EEPD1: variants seen among roughly 807,000 people sequenced by gnomAD.
EEPD1 encodes the protein endonuclease/exonuclease/phosphatase family domain containing 1, also known as endonuclease/exonuclease/phosphatase family domain-containing protein 1.
In EEPD1, 17 loss-of-function variants were observed where a neutral mutation model predicts 46.3. The ratio of observed to expected loss-of-function variants is 0.37; its 90% confidence interval spans 0.25 to 0.55. The LOEUF (loss-of-function observed/expected upper bound fraction) is 0.55. Ranked by LOEUF, EEPD1 falls within the 20% of genes least tolerant of loss-of-function variation. The pLI is 0.83. For missense variants in EEPD1, 673 were observed against 745.6 expected, an observed-to-expected ratio of 0.90 and a Z score of 1.13; for synonymous variants, 313 against 315.6, an observed-to-expected ratio of 0.99 and a Z score of 0.09.
At position 36,297,070 on chromosome 7, in the gene EEPD1, A is replaced by G; in HGVS notation, c.1393A>G (p.Lys465Glu). ...SNDYDILRKE[K>E]FHHLIPAHTF... is the part of the protein sequence containing the mutation. Reference sequence around the variant, plus strand: ...TGACTATGATATCCTGAGGAAAGAAAAGTTCCACCACCTGATCCCCGCGCA... The same window carrying G: ...TGACTATGATATCCTGAGGAAAGAAGAGTTCCACCACCTGATCCCCGCGCA... The change falls in exon 7 of 8, where the codon AAG becomes GAG. Residue 465 changes from lysine (K) to glutamate (E), a missense_variant. Lys to Glu is a moderately conservative substitution (Grantham distance 56). Coordinates refer to ENST00000242108, the MANE Select transcript of EEPD1 (RefSeq NM_030636.3). The G allele has an allele frequency of 6.2e-7, 1 of 1,614,228 alleles. No homozygotes were observed. The highest frequency in any genetic ancestry group is 8.5e-7 in the Non-Finnish European group (1 of 1,180,042).
chr7:36,244,726 C>T (rs531524696), intron 3 of EEPD1, among the ~76,000 whole-genome samples: 25 of 151,570 alleles, frequency 1.6e-4, no homozygotes, highest in African/African-American at 5.8e-4. Context: ...TCTGTGATTC[C>T]TTCCCACTCT....
At chr7:36,196,768 C>T (rs1676126044) in intron 2 of EEPD1, among the ~76,000 whole-genome samples, 1 of 152,196 alleles carries the variant, frequency 6.6e-6, no homozygotes, top group South Asian at 2.1e-4. Context: ...GCTACGGCCT[C>T]CACCTCCCAG....
chr7:36,238,595 T>C (rs1165460834), intron 2 of EEPD1, among the ~76,000 whole-genome samples: 3 of 152,230 alleles, frequency 2.0e-5, no homozygotes, highest in South Asian at 4.1e-4. Context: ...CTGAGTAATA[T>C]AGTCCATTAA....
chr7:36,240,007 G>A (rs537356547), intron 3 of EEPD1, among the ~76,000 whole-genome samples: 2 of 152,338 alleles, frequency 1.3e-5, no homozygotes, highest in East Asian at 3.9e-4. Context: ...TAGGTGAGGT[G>A]GCTCTGCCTG....
chr7:36,166,896 T>G (rs1257544942), intron 2 of EEPD1, among the ~76,000 whole-genome samples: 9 of 152,058 alleles, frequency 5.9e-5, no homozygotes, highest in Non-Finnish European at 1.0e-4. Flanking sequence ...TGTGTTTGGT[T>G]TTTAGGGCTG....
chr7:36,241,846 C>T (rs1022872867), intron 3 of EEPD1, among the ~76,000 whole-genome samples: 5 of 152,056 alleles, frequency 3.3e-5, no homozygotes, highest in South Asian at 2.1e-4. Context: ...CCAGTCTGGG[C>T]GAGAGAGTAG....
At chr7:36,236,368 G>T (rs1786440736) in intron 2 of EEPD1, among the ~76,000 whole-genome samples, 1 of 152,248 alleles carries the variant, frequency 6.6e-6, no homozygotes, top group Admixed American at 6.5e-5. Flanking sequence ...CCCGCACTAG[G>T]CGCCGCCGGC....
chr7:36,250,889 C>A (rs1786728188), intron 3 of EEPD1, among the ~76,000 whole-genome samples: 1 of 152,112 alleles, frequency 6.6e-6, no homozygotes, highest in Non-Finnish European at 1.5e-5. Flanking sequence ...CATTTCTTTA[C>A]CCCCAAAATG....
chr7:36,298,584 G>C (rs112963830), intron 7 of EEPD1, among the ~76,000 whole-genome samples: 2,057 of 152,056 alleles, frequency 0.014, 17 homozygotes, highest in Non-Finnish European at 0.023. Flanking sequence ...TACCCTTTGT[G>C]TAGAAAGAAT....
rs1360589383 is a variant in EEPD1 at position 36,301,488 on chromosome 7, T to G, written c.*2282T>G. On this transcript the variant is annotated 3_prime_UTR_variant, in exon 8 of 8. Transcript: ENST00000242108. The stretch of plus-strand genomic sequence containing the variant: ...ACAACTGATGAACTTGTATTCATTA[T>G]TAGCTACAGTGTTCATAGTTTATAT... 2.0e-5 allele frequency: 3 copies of G among 152,276 alleles called. No individual in the cohort carries two copies. Among genetic ancestry groups the G allele is most frequent in the Admixed American group, 2.0e-4 (3 of 15,286 alleles). The allele number at this position is 152,276 out of a possible 1,614,324, so 9.4% of individuals were successfully genotyped here.
chr7:36,198,909 T>G (rs986091810), intron 2 of EEPD1, among the ~76,000 whole-genome samples: 1 of 151,814 alleles, frequency 6.6e-6, no homozygotes, highest in African/African-American at 2.4e-5. Flanking sequence ...GTGCAGCTGG[T>G]GGGAGGAGGT....
rs185163335 is a variant in EEPD1, at chr7:36,189,646, G to A, written c.878+34444G>A. Among the ~76,000 whole-genome samples, 4 of 152,218 alleles carry A rather than the reference G, an allele frequency of 2.6e-5. 1 individual carries two copies. Among genetic ancestry groups the A allele is most frequent in the Admixed American group, 2.6e-4 (4 of 15,296 alleles). On this transcript the variant is annotated intron_variant, in intron 2 of 7. Transcript: ENST00000242108. ...GCTATGGGGATAGAAGAAAGTACAT[G>A]GCCCTGTCCCTGCCCAGAGATGCCT... is the stretch of plus-strand genomic sequence containing the variant.
chr7:36,200,057 G>T (rs1785688535), intron 2 of EEPD1, among the ~76,000 whole-genome samples: 1 of 151,846 alleles, frequency 6.6e-6, no homozygotes. Flanking sequence ...TTGTTGTACA[G>T]ATTATTTCGT....
At chr7:36,197,134 G>A (rs1314328661) in intron 2 of EEPD1, among the ~76,000 whole-genome samples, 1 of 148,748 alleles carries the variant, frequency 6.7e-6, no homozygotes, top group Non-Finnish European at 1.5e-5. Flanking sequence ...CCCTCCGCCT[G>A]GCAACCGCCC....
chr7:36,161,897 C>CAAAAAA, intron 2 of EEPD1, among the ~76,000 whole-genome samples: 1 of 127,132 alleles, frequency 7.9e-6, no homozygotes, highest in South Asian at 2.8e-4. Context: ...CTGTCTCTCT[C>CAAAAAA]AAAAAAAAAA....
rs755811338 is a variant in EEPD1, at chr7:36,297,196, G to C, written c.1510+9G>C. ...AAAGAAGGTTTTCACAGGTGAGGCAGAACTCACTTGTCCTTTCTCCTGTTC... is the reference window on the plus strand; with the variant it reads ...AAAGAAGGTTTTCACAGGTGAGGCACAACTCACTTGTCCTTTCTCCTGTTC... On this transcript the variant is annotated intron_variant, in intron 7 of 7. Transcript: ENST00000242108. The C allele has an allele frequency of 1.2e-6, 2 of 1,613,222 alleles. No individual in the cohort carries two copies. Among genetic ancestry groups the C allele is most frequent in the African/African-American group, 2.7e-5 (2 of 74,902 alleles).
rs181016885 is a variant in EEPD1 at position 36,157,441 on chromosome 7, C to T, written c.878+2239C>T. ...GCAGCCCACTGAGCAGGAGACCTCA[C>T]GACTCTTGTCCAGTGTGAAGGTTGT... On this transcript the variant is annotated intron_variant, in intron 2 of 7. Coordinates refer to ENST00000242108, the MANE Select transcript of EEPD1 (RefSeq NM_030636.3). Among the ~76,000 whole-genome samples the T allele has an allele frequency of 1.7e-3, 259 of 152,320 alleles. 1 individual carries two copies. The Middle Eastern group carries it at 0.017, about 10-fold the overall frequency.
At chr7:36,270,277 GTATT>G (rs1203650691) in intron 3 of EEPD1, among the ~76,000 whole-genome samples, 1 of 152,170 alleles carries the variant, frequency 6.6e-6, no homozygotes, top group African/African-American at 2.4e-5. Context: ...TCCTGCACTT[GTATT>G]TATTTATAGC....
At chr7:36,161,930 C>T (rs905597120) in intron 2 of EEPD1, among the ~76,000 whole-genome samples, 13 of 150,878 alleles carry the variant, frequency 8.6e-5, no homozygotes, top group Non-Finnish European at 1.9e-4. Flanking sequence ...CTCTACCTTA[C>T]AAAGGATTTT....
Sources: allele counts gnomAD v4.1 joint callset (sites outside exome capture counted in the v4.1 genomes callset), GRCh38; gene constraint gnomAD v4.1.1; transcripts MANE v1.5; gene names NCBI Gene and HGNC (gene_info 2026-07-23, HGNC 2026-07-21).